Variants in OSBP2 observed in about 807,000 individuals in gnomAD.
OSBP2 encodes the protein oxysterol-binding protein 2.
In OSBP2, 66 loss-of-function variants were observed where a neutral mutation model predicts 96.0. The ratio of observed to expected loss-of-function variants is 0.69; its 90% CI spans 0.56 to 0.84. The LOEUF is 0.84. OSBP2 is among the 40% of genes least tolerant of loss of function. The pLI, the probability that OSBP2 is intolerant of heterozygous loss-of-function variation, is 0.00. For missense variants in OSBP2, 1,038 were observed against 1,222.7 expected, an observed-to-expected ratio of 0.85 and a Z score of 2.25; for synonymous variants, 525 against 520.9, an observed-to-expected ratio of 1.01 and a Z score of -0.11.
intron 2 of OSBP2, among the ~76,000 whole-genome samples, chr22:30,849,524 T>G (rs1277650042): frequency 6.6e-6 from 1 of 152,246 alleles, no homozygotes; most frequent in African/African-American, 2.4e-5. Flanking sequence ...CATGTTCTTA[T>G]TAGCCATTTG....
rs376816546 is a variant in OSBP2 at position 30,887,538 on chromosome 22, C to T, written c.1220C>T (p.Ala407Val). 1.9e-6 allele frequency: 3 copies of T among 1,613,532 alleles called. No homozygotes were observed. The highest frequency in any genetic ancestry group is 8.5e-7 in the Non-Finnish European group (1 of 1,180,016). ...TTGGAGGAAACCATTGAGCAGCTGGCGAAGCAGCACAACAGCCTCGAGCGG... is the reference window on the plus strand; with the variant it reads ...TTGGAGGAAACCATTGAGCAGCTGGTGAAGCAGCACAACAGCCTCGAGCGG... ...VHLEETIEQL[A>V]KQHNSLERAF... Residue 407 changes from alanine to valine, a missense_variant, in exon 4 of 14, where the codon GCG (alanine) becomes GTG (valine). Ala to Val is a moderately conservative substitution (Grantham distance 64). Coordinates refer to ENST00000332585, the MANE Select transcript of OSBP2 (RefSeq NM_030758.4).
chr22:30,877,574 A>G (rs2039610682), intron 3 of OSBP2, among the ~76,000 whole-genome samples: 2 of 152,210 alleles, frequency 1.3e-5, no homozygotes, highest in African/African-American at 4.8e-5. Flanking sequence ...GCATCCATAA[A>G]GTGAAAAAGC....
chr22:30,881,701 G>GCCA lies in OSBP2; in HGVS notation c.1108-5723_1108-5721dup. 7.7e-7 allele frequency: 1 copy of GCCA among 1,304,080 alleles called. No individual in the cohort carries two copies. Among genetic ancestry groups the GCCA allele is most frequent in the Non-Finnish European group, 1.0e-6 (1 of 988,904 alleles). The allele number at this position is 1,304,080 out of a possible 1,614,324, so 80.8% of individuals were successfully genotyped here. A position where few individuals can be genotyped will look rare whatever the true frequency, so the allele number is the denominator to read the frequency against. Reference sequence around the variant, plus strand: ...AGCTCAGCATTCTGAGAACAGCAGGGCCACGCCAGGCGCCTGCCTCTCCCC... The same window carrying GCCA: ...AGCTCAGCATTCTGAGAACAGCAGGGCCACCACGCCAGGCGCCTGCCTCTCCCC... On this transcript the variant is annotated intron_variant, in intron 3 of 13. Coordinates refer to ENST00000332585, the MANE Select transcript of OSBP2 (RefSeq NM_030758.4). The surrounding 1 kb of genome is among the most constrained non-coding windows in gnomAD (Gnocchi z 4.5).
At chr22:30,766,320 C>T (rs2090269021) in intron 2 of OSBP2, among the ~76,000 whole-genome samples, 2 of 152,190 alleles carry the variant, frequency 1.3e-5, no homozygotes, top group African/African-American at 4.8e-5. Flanking sequence ...TTGAATGGTA[C>T]CTGGCGGGAC....
At chr22:30,707,490 G>A (rs796496125) in intron 1 of OSBP2, among the ~76,000 whole-genome samples, 16 of 151,878 alleles carry the variant, frequency 1.1e-4, no homozygotes, top group African/African-American at 3.4e-4. Flanking sequence ...TGAGGCGGGC[G>A]GATCACGAGG....
intron 2 of OSBP2, among the ~76,000 whole-genome samples, chr22:30,822,132 TCA>T (rs1466253875): frequency 6.6e-6 from 1 of 152,204 alleles, no homozygotes; most frequent in Non-Finnish European, 1.5e-5. Context: ...TGAGAGGGTC[TCA>T]GAGGTGACCC....
rs189141036 is a variant in OSBP2 at position 30,753,118 on chromosome 22, A to T, written c.853+11749A>T. On this transcript the variant is annotated intron_variant, in intron 2 of 13. Transcript: ENST00000332585. ...TCAGTTTACAGCCCTATATGAACTC[A>T]AACTTCAGGAGCAAGGTGTGGCAGC... is the stretch of plus-strand genomic sequence containing the variant. Among the ~76,000 whole-genome samples, 362 of 152,238 alleles carry T rather than the reference A, an allele frequency of 2.4e-3. 1 individual carries two copies. The highest frequency in any genetic ancestry group is 8.4e-3 in the African/African-American group (350 of 41,538).
At position 30,870,175 on chromosome 22, in the gene OSBP2, C is replaced by T. The variant is rs933555451; in HGVS notation, c.854-254C>T. On this transcript the variant is annotated intron_variant, in intron 2 of 13. Transcript: ENST00000332585. The surrounding 1 kb of genome is among the most constrained non-coding windows in gnomAD (Gnocchi z 4.1). ...CCGCCTCCAAAGCCCAGTCCCGGCCCTGCCATTCAATCTGGGCTCTCTTTA... is the reference window on the plus strand; with the variant it reads ...CCGCCTCCAAAGCCCAGTCCCGGCCTTGCCATTCAATCTGGGCTCTCTTTA... Among the ~76,000 whole-genome samples, 1 of 152,202 alleles carries T rather than the reference C, an allele frequency of 6.6e-6. No homozygotes were observed. The highest frequency in any genetic ancestry group is 6.5e-5 in the Admixed American group (1 of 15,294).
chr22:30,781,437 A>G (rs1423004336), intron 2 of OSBP2, among the ~76,000 whole-genome samples: 2 of 152,108 alleles, frequency 1.3e-5, no homozygotes, highest in Non-Finnish European at 2.9e-5. Flanking sequence ...GCCCTGGTTC[A>G]TGCCACACAC....
chr22:30,706,124 G>A (rs993734594), intron 1 of OSBP2, among the ~76,000 whole-genome samples: 20 of 152,184 alleles, frequency 1.3e-4, no homozygotes, highest in African/African-American at 4.3e-4. Context: ...GACACGTGGA[G>A]AGAGGAGATG....
chr22:30,707,471 G>A (rs62235882), intron 1 of OSBP2, among the ~76,000 whole-genome samples: 18,783 of 151,764 alleles, frequency 0.12, 1,845 homozygotes, highest in East Asian at 0.39. Context: ...TCCCAGCACT[G>A]TGGGAGGCTG....
chr22:30,891,646 G>A (rs1602426425), intron 8 of OSBP2, among the ~76,000 whole-genome samples: 1 of 152,260 alleles, frequency 6.6e-6, no homozygotes, highest in African/African-American at 2.4e-5. Context: ...GTGGTGGCCA[G>A]ACCTGGGGGA....
At chr22:30,696,758 A>G (rs2089045460) in intron 1 of OSBP2, among the ~76,000 whole-genome samples, 1 of 151,564 alleles carries the variant, frequency 6.6e-6, no homozygotes, top group Non-Finnish European at 1.5e-5. Flanking sequence ...GGTTCAAGCA[A>G]TTCTTCTGCC....
chr22:30,698,646 G>C (rs2089098488), intron 1 of OSBP2, among the ~76,000 whole-genome samples: 1 of 151,976 alleles, frequency 6.6e-6, no homozygotes, highest in South Asian at 2.1e-4. Flanking sequence ...CACCATATTG[G>C]CCGGGATGGT....
chr22:30,715,426 G>T (rs1335093323), intron 1 of OSBP2, among the ~76,000 whole-genome samples: 1 of 151,256 alleles, frequency 6.6e-6, no homozygotes, highest in Non-Finnish European at 1.5e-5. Context: ...GTCCAGGCTG[G>T]AGTGTAGTGG....
intron 1 of OSBP2, among the ~76,000 whole-genome samples, chr22:30,709,584 C>T (rs1300171004): frequency 6.6e-6 from 1 of 151,772 alleles, no homozygotes; most frequent in Non-Finnish European, 1.5e-5. Flanking sequence ...GGTATGATTT[C>T]GGCTTACTGC....
chr22:30,905,111 C>T (rs887417566), intron 12 of OSBP2, among the ~76,000 whole-genome samples: 27 of 148,568 alleles, frequency 1.8e-4, no homozygotes, highest in Non-Finnish European at 3.0e-4. Context: ...TCACTCCAGC[C>T]TGGGCCACAG....
chr22:30,751,960 C>A (rs1185673647), intron 2 of OSBP2, among the ~76,000 whole-genome samples: 1 of 152,108 alleles, frequency 6.6e-6, no homozygotes, highest in Non-Finnish European at 1.5e-5. Flanking sequence ...CCATGGTCAT[C>A]CTGGGGGAGG....
intron 2 of OSBP2, among the ~76,000 whole-genome samples, chr22:30,850,193 C>A (rs574377492): frequency 6.6e-6 from 1 of 151,628 alleles, no homozygotes; most frequent in South Asian, 2.1e-4. Context: ...ATAGTCCCAG[C>A]TACTTGGGAG....
Sources: allele counts gnomAD v4.1 joint callset (sites outside exome capture counted in the v4.1 genomes callset), GRCh38; gene constraint gnomAD v4.1.1; non-coding constraint Gnocchi (gnomAD v3.1); transcripts MANE v1.5; gene names NCBI Gene and HGNC (gene_info 2026-07-23, HGNC 2026-07-21).